FAM131B: variants seen among roughly 807,000 people sequenced by gnomAD.
The protein encoded by FAM131B is family with sequence similarity 131 member B, also known as protein FAM131B.
FAM131B carries 19 observed loss-of-function variants against 42.0 expected under a neutral mutation model. The ratio of observed to expected loss-of-function variants is 0.45; its 90% confidence interval spans 0.32 to 0.66. FAM131B has a LOEUF of 0.66. Ranked by LOEUF, FAM131B falls within the 30% of genes least tolerant of loss-of-function variation. The pLI is 0.05. For missense variants in FAM131B, 370 were observed against 468.4 expected (o/e 0.79, Z 1.94); for synonymous variants, 183 against 177.6 (o/e 1.03, Z -0.24).
intron 1 of FAM131B, chr7:143,361,936 C>A: frequency 2.2e-5 from 10 of 464,798 alleles, no homozygotes; most frequent in Non-Finnish European, 2.8e-5. Flanking sequence ...CCAGCCCCTT[C>A]CCTCCACCCG....
In FAM131B at chr7:143,355,484, G is replaced by A. The variant is rs1003998705; in HGVS notation, c.*1066C>T. On this transcript the variant is annotated 3_prime_UTR_variant, in exon 7 of 7. Coordinates refer to ENST00000443739, the MANE Select transcript of FAM131B (RefSeq NM_001031690.3). The surrounding 1 kb of genome is among the most constrained non-coding windows in gnomAD (Gnocchi z 4.1). ...CCCTCAGCTGCAACCCTGCCTGGCTGAGGGAGTGACAGCACCGGACTCCTC... is the reference window on the plus strand; with the variant it reads ...CCCTCAGCTGCAACCCTGCCTGGCTAAGGGAGTGACAGCACCGGACTCCTC... 6.6e-6 allele frequency: 1 copy of A among 152,642 alleles called. No homozygotes were observed. The highest frequency in any genetic ancestry group is 1.5e-5 in the Non-Finnish European group (1 of 68,112). The allele number at this position is 152,642 out of a possible 1,614,324, so 9.5% of individuals were successfully genotyped here. A position where few individuals can be genotyped will look rare whatever the true frequency, so the allele number is the denominator to read the frequency against.
the FAM131B span, chr7:143,381,901 C>A: frequency 2.0e-6 from 2 of 1,011,528 alleles, no homozygotes; most frequent in Non-Finnish European, 2.8e-6. Context: ...CCACCCTGTC[C>A]CGAGCAGATG....
At chr7:143,360,273 C>T in intron 1 of FAM131B, 124 bp from the exon 2 acceptor site, 1 of 1,489,312 alleles carries the variant, frequency 6.7e-7, no homozygotes, top group Non-Finnish European at 8.9e-7. Context: ...TATCCCTGCA[C>T]TCTCCAAATT....
the FAM131B span, chr7:143,381,398 C>G: frequency 8.4e-7 from 1 of 1,196,176 alleles, no homozygotes; most frequent in Non-Finnish European, 1.0e-6. Context: ...GGCGCGCACG[C>G]TCCGGCCTGC....
At chr7:143,367,593 TAC>T (rs1469144039), upstream of FAM131B, among the ~76,000 whole-genome samples, 1 of 152,122 alleles carries the variant, frequency 6.6e-6, no homozygotes, top group African/African-American at 2.4e-5. Context: ...TAATCCCAGC[TAC>T]TCAGGAGGCT....
Position 143,362,141 on chromosome 7 carries a change from A to C in FAM131B, c.28+435T>G. On this transcript the variant is annotated intron_variant, in intron 1 of 6. Transcript: ENST00000443739. This position sits in a 1 kb window ranked among gnomAD's most constrained non-coding sequence, Gnocchi z 7.7. ...GGGGGGTGGCGTGGGGGGCGTGCGA[A>C]AGAAACTCGGGGCTGGCGCGGAGGC... 1.7e-6 allele frequency: 1 copy of C among 592,184 alleles called. No homozygotes were observed. 36.7% of individuals were successfully genotyped at this position (592,184 alleles called of 1,614,324 possible). A position where few individuals can be genotyped will look rare whatever the true frequency, so the allele number is the denominator to read the frequency against.
rs201214299 is a variant in FAM131B at position 143,360,061 on chromosome 7, G to A, written c.117C>T (p.Ser39=). The stretch of plus-strand genomic sequence containing the variant: ...TCACCTCAGTCGATGGCCGATGGAG[G>A]CTGCTCCCGTGCAGTGAGCTGGTGC... ...MDSTSSLHGS[S]LHRPSTEQTR... Residue 39 remains serine (S), a synonymous_variant, in exon 2 of 7, where the codon AGC becomes AGT. Transcript: ENST00000443739. 1.2e-6 allele frequency: 2 copies of A among 1,613,534 alleles called. No individual in the cohort carries two copies. Among genetic ancestry groups the A allele is most frequent in the Non-Finnish European group, 1.7e-6 (2 of 1,179,608 alleles).
chr7:143,366,774 T>C (rs2116502592), upstream of FAM131B, among the ~76,000 whole-genome samples: 1 of 152,282 alleles, frequency 6.6e-6, no homozygotes, highest in South Asian at 2.1e-4. Context: ...ACCAGGCTGG[T>C]GTCGAACTCC....
the FAM131B span, among the ~76,000 whole-genome samples, chr7:143,368,110 C>T: frequency 2.0e-5 from 3 of 152,212 alleles, no homozygotes; most frequent in Non-Finnish European, 4.4e-5. Flanking sequence ...TGGTCAGGTC[C>T]CAAGCACACA....
At chr7:143,367,829 C>T in the FAM131B span, among the ~76,000 whole-genome samples, 7 of 152,326 alleles carry the variant, frequency 4.6e-5, no homozygotes, top group South Asian at 1.5e-3. Context: ...GGTCAACGTC[C>T]CCAAATCACG....
the FAM131B span, among the ~76,000 whole-genome samples, chr7:143,372,384 C>T: frequency 4.6e-5 from 7 of 152,112 alleles, no homozygotes; most frequent in Non-Finnish European, 7.4e-5. Flanking sequence ...CTGGTATGGA[C>T]GTGAATGGCA....
At chr7:143,381,808 C>T in the FAM131B span, 1 of 1,501,138 alleles carries the variant, frequency 6.7e-7, no homozygotes, top group Non-Finnish European at 8.9e-7. Context: ...GGAATGTACC[C>T]CGGCAGGAGC....
chr7:143,381,520 C>T, the FAM131B span: 1 of 1,571,474 alleles, frequency 6.4e-7, no homozygotes, highest in East Asian at 2.4e-5. Context: ...GCTCCTGAGC[C>T]CGGCTCCGCG....
At position 143,358,856 on chromosome 7, in the gene FAM131B, T is replaced by C; in HGVS notation, c.437A>G (p.Asp146Gly). 1 of 1,614,142 alleles carries C rather than the reference T, an allele frequency of 6.2e-7. No homozygotes were observed. Among genetic ancestry groups the C allele is most frequent in the Non-Finnish European group, 8.5e-7 (1 of 1,180,024 alleles). ...TAGAAAACGTGCCTCCTTCTCGCCA[T>C]CGCTGAGGTCGGAGTAGGCATCCGT... Reference protein sequence around the residue: ...RDTDAYSDLSDGEKEARFLAG... With the variant: ...RDTDAYSDLSGGEKEARFLAG... Residue 146 changes from aspartate (D) to glycine (G), a missense_variant, in exon 5 of 7, where the codon GAT becomes GGT. Physicochemically the swap from Asp to Gly is moderately conservative, Grantham distance 94. Transcript: ENST00000443739. The surrounding 1 kb of genome is among the most constrained non-coding windows in gnomAD (Gnocchi z 4.7).
Position 143,362,140 on chromosome 7 carries a change from A to C in FAM131B, c.28+436T>G. 1 of 603,920 alleles carries C rather than the reference A, an allele frequency of 1.7e-6. No homozygotes were observed. Among genetic ancestry groups the C allele is most frequent in the Non-Finnish European group, 2.1e-6 (1 of 479,980 alleles). The allele number at this position is 603,920 out of a possible 1,614,324, so 37.4% of individuals were successfully genotyped here. A position where few individuals can be genotyped will look rare whatever the true frequency, so the allele number is the denominator to read the frequency against. The stretch of plus-strand genomic sequence containing the variant: ...CGGGGGGTGGCGTGGGGGGCGTGCG[A>C]AAGAAACTCGGGGCTGGCGCGGAGG... On this transcript the variant is annotated intron_variant, in intron 1 of 6. Transcript: ENST00000443739. The surrounding 1 kb of genome is among the most constrained non-coding windows in gnomAD (Gnocchi z 7.7).
chr7:143,371,803 C>T, the FAM131B span, among the ~76,000 whole-genome samples: 1 of 152,002 alleles, frequency 6.6e-6, no homozygotes, highest in Non-Finnish European at 1.5e-5. Flanking sequence ...ACCTTCCCAG[C>T]AGAGAAACTA....
chr7:143,381,340 G>C, the FAM131B span: 170 of 1,142,738 alleles, frequency 1.5e-4, no homozygotes, highest in Admixed American at 1.6e-3. Context: ...GCTCCGGACC[G>C]GGACGCAGAG....
chr7:143,358,783 G>T lies in FAM131B; in HGVS notation c.466+44C>A. On this transcript the variant is annotated intron_variant, in intron 5 of 6. Coordinates refer to ENST00000443739, the MANE Select transcript of FAM131B (RefSeq NM_001031690.3). This position sits in a 1 kb window ranked among gnomAD's most constrained non-coding sequence, Gnocchi z 4.7. ...GATCAGGTTGGAGGGTCGGTCCCTGGCCATCCTGCAAATGTGTCTCTTGAG... is the reference window on the plus strand; with the variant it reads ...GATCAGGTTGGAGGGTCGGTCCCTGTCCATCCTGCAAATGTGTCTCTTGAG... 1 of 1,541,864 alleles carries T rather than the reference G, an allele frequency of 6.5e-7. No homozygotes were observed. Among genetic ancestry groups the T allele is most frequent in the Non-Finnish European group, 8.9e-7 (1 of 1,119,480 alleles).
At chr7:143,363,366 T>C (rs1282926142), upstream of FAM131B, among the ~76,000 whole-genome samples, 1 of 151,952 alleles carries the variant, frequency 6.6e-6, no homozygotes, top group Non-Finnish European at 1.5e-5. Context: ...TGGTTGGGGA[T>C]TGGAGAATAT....
Sources: gnomAD v4.1 joint callset for allele counts (sites outside exome capture counted in the v4.1 genomes callset) on GRCh38, gnomAD v4.1.1 for gene constraint, Gnocchi (gnomAD v3.1) non-coding constraint, MANE v1.5 for transcripts, NCBI Gene and HGNC (gene_info 2026-07-23, HGNC 2026-07-21) for gene names.